The following CDH23 variants were observed in gnomAD, a reference collection of about 807,000 sequenced individuals.
CDH23 encodes cadherin-23.
In CDH23, 189 loss-of-function variants were observed where a neutral mutation model predicts 317.1. The observed-to-expected ratio is 0.60, with a 90% CI of 0.53 to 0.67. The LOEUF is 0.67. Among genes scored for constraint, CDH23 ranks in the 30% least tolerant of loss-of-function variants. The pLI, the probability that CDH23 is intolerant of heterozygous loss-of-function variation, is 0.00. For missense variants in CDH23, 4,401 were observed against 4,592.4 expected (o/e 0.96, Z 1.20); for synonymous variants, 1,839 against 1,876.8 (o/e 0.98, Z 0.52).
intron 18 of CDH23, among the ~76,000 whole-genome samples, chr10:71,687,235 T>C (rs568687484): frequency 6.6e-6 from 1 of 152,316 alleles, no homozygotes; most frequent in Non-Finnish European, 1.5e-5. Context: ...GCTTTTGTCA[T>C]CATCCTGGTG....
At chr10:71,791,953 A>G (rs1841262409) in intron 47 of CDH23, among the ~76,000 whole-genome samples, 1 of 152,024 alleles carries the variant, frequency 6.6e-6, no homozygotes, top group African/African-American at 2.4e-5. Context: ...TAGGATCAAC[A>G]TGATTCCCAT....
At position 71,751,576 on chromosome 10, in the gene CDH23, T is replaced by C; in HGVS notation, c.4845+9655T>C. 7.0e-7 allele frequency: 1 copy of C among 1,425,752 alleles called. No individual in the cohort carries two copies. The highest frequency in any genetic ancestry group is 9.4e-7 in the Non-Finnish European group (1 of 1,064,604). The allele number at this position is 1,425,752 out of a possible 1,614,324, so 88.3% of individuals were successfully genotyped here. On this transcript the variant is annotated intron_variant, in intron 38 of 69. Transcript: ENST00000224721. This position sits in a 1 kb window ranked among gnomAD's most constrained non-coding sequence, Gnocchi z 4.9. ...CCACCCCGTGAGGCCGTGGAACTCTTCAGGGAGGGCAGGGAGTGAGGCCGA... is the reference window on the plus strand; with the variant it reads ...CCACCCCGTGAGGCCGTGGAACTCTCCAGGGAGGGCAGGGAGTGAGGCCGA...
chr10:71,553,536 C>T (rs1482447420), intron 6 of CDH23, among the ~76,000 whole-genome samples: 5 of 152,220 alleles, frequency 3.3e-5, no homozygotes, highest in Admixed American at 6.5e-5. Context: ...CCTTCACCCA[C>T]TCCTTCAGAA....
intron 38 of CDH23, among the ~76,000 whole-genome samples, chr10:71,755,753 G>A (rs977804441): frequency 1.6e-4 from 24 of 152,122 alleles, no homozygotes; most frequent in African/African-American, 5.8e-4. Context: ...CCTCATCCCA[G>A]CCCACAAGGT....
chr10:71,493,033 G>C (rs1852752897), intron 3 of CDH23, among the ~76,000 whole-genome samples: 1 of 152,186 alleles, frequency 6.6e-6, no homozygotes, highest in Admixed American at 6.5e-5. Flanking sequence ...ACAGCTGTGG[G>C]CACACTACTC....
Position 71,810,483 on chromosome 10 carries a change from C to A in CDH23, c.8991C>A (p.Asp2997Glu). The A allele has an allele frequency of 6.2e-7, 1 of 1,614,010 alleles. No individual in the cohort carries two copies. Among genetic ancestry groups the A allele is most frequent in the Non-Finnish European group, 8.5e-7 (1 of 1,179,868 alleles). ...CCCTTCTCATCTAGTTCCATGTGGA[C>A]AAGAAGGGCCGGGTGAACTTTGCGC... ...VNTDNVQFHV[D>E]KKGRVNFAQT... is the part of the protein sequence containing the mutation. Residue 2997 changes from aspartate to glutamate, a missense_variant, in exon 62 of 70, where the codon GAC (aspartate) becomes GAA (glutamate). Coordinates refer to ENST00000224721, the MANE Select transcript of CDH23 (RefSeq NM_022124.6).
chr10:71,485,292 T>C (rs1476909801), intron 3 of CDH23, among the ~76,000 whole-genome samples: 1 of 152,200 alleles, frequency 6.6e-6, no homozygotes, highest in Non-Finnish European at 1.5e-5. Flanking sequence ...CCCAAAGTGC[T>C]GGGATCACAG....
At chr10:71,800,897 G>A in intron 53 of CDH23, 142 bp downstream of exon 53, 1 of 1,181,742 alleles carries the variant, frequency 8.5e-7, no homozygotes, top group Non-Finnish European at 1.2e-6. Context: ...AAAGGAGAAG[G>A]CAAGAGGGTA....
intron 28 of CDH23, chr10:71,716,290 G>T (rs760544099): frequency 6.6e-7 from 1 of 1,522,618 alleles, no homozygotes; most frequent in Non-Finnish European, 8.8e-7. Flanking sequence ...GAAAGGCGAG[G>T]GGGCTGATGG....
At chr10:71,607,194 C>T (rs1005496653) in intron 9 of CDH23, among the ~76,000 whole-genome samples, 3 of 152,232 alleles carry the variant, frequency 2.0e-5, no homozygotes, top group African/African-American at 7.2e-5. Flanking sequence ...AGCGATGGGC[C>T]TGCAAGCCAG....
At chr10:71,543,767 C>T (rs986536276) in intron 6 of CDH23, among the ~76,000 whole-genome samples, 5 of 152,222 alleles carry the variant, frequency 3.3e-5, no homozygotes, top group Admixed American at 2.0e-4. Context: ...CCAGCACCCT[C>T]TTACCAGCCA....
chr10:71,716,018 C>G, intron 28 of CDH23: 4 of 1,499,646 alleles, frequency 2.7e-6, no homozygotes, highest in Non-Finnish European at 3.6e-6. Context: ...GACGGTGGGC[C>G]GGCCATGGCG....
At chr10:71,469,615 G>GT (rs59885312) in intron 3 of CDH23, among the ~76,000 whole-genome samples, 182 of 141,270 alleles carry the variant, frequency 1.3e-3, no homozygotes, top group African/African-American at 5.0e-3. Flanking sequence ...TCCCCCCCTT[G>GT]TTTTTTTTGA....
At chr10:71,492,026 G>C (rs548726975) in intron 3 of CDH23, among the ~76,000 whole-genome samples, 2 of 152,348 alleles carry the variant, frequency 1.3e-5, no homozygotes, top group South Asian at 2.1e-4. Context: ...GAGAGAGGCA[G>C]TTTAAGAGGG....
intron 11 of CDH23, among the ~76,000 whole-genome samples, chr10:71,618,828 A>C (rs1380634038): frequency 6.6e-6 from 1 of 150,842 alleles, no homozygotes; most frequent in Non-Finnish European, 1.5e-5. Flanking sequence ...TGTGTGCTCA[A>C]GTGTGTGTGC....
chr10:71,562,205 C>CA (rs1378790613), intron 6 of CDH23, among the ~76,000 whole-genome samples: 1 of 152,074 alleles, frequency 6.6e-6, no homozygotes, highest in African/African-American at 2.4e-5. Context: ...CCTCAGATGG[C>CA]AAAGTCTGGC....
intron 28 of CDH23, chr10:71,713,460 C>A: frequency 1.7e-6 from 1 of 585,278 alleles, no homozygotes; most frequent in Non-Finnish European, 3.0e-6. Flanking sequence ...TCTGGGCCTG[C>A]CCACTGGGGC....
intron 3 of CDH23, among the ~76,000 whole-genome samples, chr10:71,447,123 G>T (rs1479025478): frequency 2.0e-5 from 3 of 152,182 alleles, no homozygotes; most frequent in East Asian, 1.9e-4. Flanking sequence ...GTCATCCGGG[G>T]CTTCTTACTC....
At chr10:71,442,280 A>G (rs1269189663) in intron 2 of CDH23, among the ~76,000 whole-genome samples, 7 of 152,202 alleles carry the variant, frequency 4.6e-5, no homozygotes, top group African/African-American at 9.6e-5. Context: ...ATTGCTTGGC[A>G]CAGTCACCTC....
Sources: allele counts gnomAD v4.1 joint callset (sites outside exome capture counted in the v4.1 genomes callset), GRCh38; gene constraint gnomAD v4.1.1; non-coding constraint Gnocchi (gnomAD v3.1); transcripts MANE v1.5; gene names NCBI Gene and HGNC (gene_info 2026-07-23, HGNC 2026-07-21).